The following GRM7 variants were observed in gnomAD, a reference collection of about 807,000 sequenced individuals.
GRM7 encodes glutamate metabotropic receptor 7.
A neutral mutation model predicts 84.5 loss-of-function variants in GRM7; 35 were observed. That is an observed-to-expected ratio of 0.41 (90% CI 0.32 to 0.55). GRM7 has a LOEUF of 0.55. Ranked by LOEUF, GRM7 falls within the 20% of genes least tolerant of loss-of-function variation. The probability of loss-of-function intolerance (pLI) is 0.19; values close to 1 mark genes in which losing one functional copy is unlikely to be tolerated. For synonymous variants in GRM7, 487 were observed against 455.1 expected (o/e 1.07, Z -0.89); for missense variants, 1,003 against 1,194.6 (o/e 0.84, Z 2.36).
At chr3:7,297,168 A>G (rs1322247405) in intron 2 of GRM7, among the ~76,000 whole-genome samples, 1 of 152,152 alleles carries the variant, frequency 6.6e-6, no homozygotes, top group Admixed American at 6.6e-5. Flanking sequence ...CTTTATCTGT[A>G]ACTTACAAAT....
At position 6,862,230 on chromosome 3, in the gene GRM7, G is replaced by T. The variant is rs779176277; in HGVS notation, c.519+323G>T. On this transcript the variant is annotated intron_variant, in intron 1 of 9. Coordinates refer to ENST00000357716, the MANE Select transcript of GRM7 (RefSeq NM_000844.4). This position sits in a 1 kb window ranked among gnomAD's most constrained non-coding sequence, Gnocchi z 5.2. ...TAGGGTGAAATATGGTCCGAAAACAGGCTCGTAAAAGTGCCAGGCTCCTAG... is the reference window on the plus strand; with the variant it reads ...TAGGGTGAAATATGGTCCGAAAACATGCTCGTAAAAGTGCCAGGCTCCTAG... 2.0e-5 allele frequency among the ~76,000 whole-genome samples: 3 copies of T among 152,052 alleles called. No homozygotes were observed. The highest frequency in any genetic ancestry group is 2.9e-5 in the Non-Finnish European group (2 of 68,020).
chr3:7,734,703 G>A (rs895965676), intron 9 of GRM7, among the ~76,000 whole-genome samples: 2 of 152,198 alleles, frequency 1.3e-5, no homozygotes, highest in Non-Finnish European at 1.5e-5. Context: ...GGGAGATGGA[G>A]AAAGTCTCCA....
intron 2 of GRM7, among the ~76,000 whole-genome samples, chr3:7,287,839 G>C (rs570800359): frequency 6.6e-6 from 1 of 152,210 alleles, no homozygotes; most frequent in Admixed American, 6.5e-5. Flanking sequence ...TCTTAGCAGA[G>C]ACACTAAAGG....
chr3:7,439,398 A>G (rs982624940), intron 5 of GRM7, among the ~76,000 whole-genome samples: 3 of 152,118 alleles, frequency 2.0e-5, no homozygotes, highest in African/African-American at 7.2e-5. Context: ...CTGTCAGCCT[A>G]TGTGAATTGC....
intron 9 of GRM7, among the ~76,000 whole-genome samples, chr3:7,687,486 T>C (rs774653141): frequency 3.3e-5 from 5 of 152,140 alleles, no homozygotes; most frequent in African/African-American, 7.2e-5. Flanking sequence ...GTAGAGAACA[T>C]GGAATAAGTT....
rs543468975 is a variant in GRM7 at position 7,260,136 on chromosome 3, GT to G, written c.737-38538del. 6.7e-4 allele frequency among the ~76,000 whole-genome samples: 98 copies of G among 147,342 alleles called. 6 individuals carry two copies. The South Asian group carries it at 0.014, about 22-fold the overall frequency. The stretch of plus-strand genomic sequence containing the variant: ...TCATGCCCTCTGCCCACTTTTCAAT[GT>G]TTTTTTTTTCTTGTAAATTTATGTA... On this transcript the variant is annotated intron_variant, in intron 2 of 9. Transcript: ENST00000357716.
intron 1 of GRM7, among the ~76,000 whole-genome samples, chr3:7,097,198 GA>G (rs1489999676): frequency 6.6e-6 from 1 of 152,018 alleles, no homozygotes; most frequent in African/African-American, 2.4e-5. Flanking sequence ...CCCAGATGGG[GA>G]GCCCTGTCCC....
At chr3:6,991,072 GCATA>G (rs773683152) in intron 1 of GRM7, among the ~76,000 whole-genome samples, 1 of 151,882 alleles carries the variant, frequency 6.6e-6, no homozygotes, top group East Asian at 1.9e-4. Context: ...CTGTCTTAAT[GCATA>G]CATACATACA....
intron 1 of GRM7, among the ~76,000 whole-genome samples, chr3:7,048,156 A>G (rs766593984): frequency 1.3e-4 from 19 of 151,994 alleles, no homozygotes; most frequent in African/African-American, 2.4e-5. Flanking sequence ...TCTGACATAC[A>G]TTGGCAAGCA....
intron 7 of GRM7, among the ~76,000 whole-genome samples, chr3:7,499,370 G>A (rs1699809661): frequency 6.6e-6 from 1 of 152,168 alleles, no homozygotes; most frequent in Non-Finnish European, 1.5e-5. Context: ...AGATGGCACA[G>A]ATACTGCCTC....
intron 1 of GRM7, among the ~76,000 whole-genome samples, chr3:7,019,969 A>G (rs2124909795): frequency 6.6e-6 from 1 of 152,290 alleles, no homozygotes; most frequent in Middle Eastern, 3.4e-3. Flanking sequence ...CGCAAAGGAA[A>G]AATAAAACCT....
intron 1 of GRM7, among the ~76,000 whole-genome samples, chr3:7,122,022 C>T (rs533006030): frequency 3.3e-5 from 5 of 152,232 alleles, no homozygotes; most frequent in African/African-American, 1.2e-4. Context: ...CAAGGGTTGC[C>T]GTGACCAAAT....
chr3:7,666,863 G>A (rs1699724235), intron 8 of GRM7, among the ~76,000 whole-genome samples: 3 of 152,128 alleles, frequency 2.0e-5, no homozygotes, highest in East Asian at 1.9e-4. Context: ...GGAAATACAA[G>A]TATTAAAGAA....
chr3:6,895,345 T>C (rs1696136865), intron 1 of GRM7, among the ~76,000 whole-genome samples: 1 of 152,170 alleles, frequency 6.6e-6, no homozygotes, highest in Non-Finnish European at 1.5e-5. Flanking sequence ...TGCCTTAAGA[T>C]TCTAGCTCTT....
rs192393247 is a variant in GRM7, at chr3:7,508,586, T to A, written c.1515+46864T>A. Among the ~76,000 whole-genome samples the A allele has an allele frequency of 2.6e-4, 39 of 152,252 alleles. No homozygotes were observed. The East Asian group carries it at 6.4e-3, about 25-fold the overall frequency. On this transcript the variant is annotated intron_variant, in intron 7 of 9. Transcript: ENST00000357716. ...TGTGTAATTCCATTAATGAGCAATA[T>A]CATGGTGAGTCTGGAATATATTCCC... is the stretch of plus-strand genomic sequence containing the variant.
At chr3:7,635,360 G>C (rs1471873422) in intron 8 of GRM7, among the ~76,000 whole-genome samples, 1 of 152,240 alleles carries the variant, frequency 6.6e-6, no homozygotes, top group Non-Finnish European at 1.5e-5. Context: ...CTGAAGGCAA[G>C]TAGAACTTGA....
intron 1 of GRM7, among the ~76,000 whole-genome samples, chr3:7,006,600 A>C (rs1241916335): frequency 6.6e-6 from 1 of 152,164 alleles, no homozygotes; most frequent in Non-Finnish European, 1.5e-5. Flanking sequence ...CTCCTTTCTT[A>C]TGACTATTAT....
rs557903359 is a variant in GRM7, at chr3:7,246,928, T to C, written c.737-51756T>C. Among the ~76,000 whole-genome samples, 9 of 152,244 alleles carry C rather than the reference T, an allele frequency of 5.9e-5. No individual in the cohort carries two copies. In the East Asian group the frequency reaches 1.7e-3, roughly 29 times the overall value. ...GATTTCAAAACTTAACATAAATCTA[T>C]AGTAATCAAAAGAGTATTACATCGG... On this transcript the variant is annotated intron_variant, in intron 2 of 9. Transcript: ENST00000357716.
At chr3:7,379,697 C>G (rs890964851) in intron 4 of GRM7, among the ~76,000 whole-genome samples, 1 of 152,088 alleles carries the variant, frequency 6.6e-6, no homozygotes, top group African/African-American at 2.4e-5. Flanking sequence ...AAAATATACC[C>G]TTAGTGGATA....
Sources: gnomAD v4.1 joint callset for allele counts (sites outside exome capture counted in the v4.1 genomes callset) on GRCh38, gnomAD v4.1.1 for gene constraint, Gnocchi (gnomAD v3.1) non-coding constraint, MANE v1.5 for transcripts, NCBI Gene and HGNC (gene_info 2026-07-23, HGNC 2026-07-21) for gene names.